The following EPB41L3 variants were observed in gnomAD, a reference collection of about 807,000 sequenced individuals.
The protein encoded by EPB41L3 is band 4.1-like protein 3.
EPB41L3 carries 57 observed loss-of-function variants against 127.1 expected under a neutral mutation model. That is an observed-to-expected ratio of 0.45 (90% confidence interval 0.36 to 0.56). The LOEUF is 0.56. Ranked by LOEUF, EPB41L3 falls within the 20% of genes least tolerant of loss-of-function variation. The pLI is 0.00. For missense variants in EPB41L3, 1,273 were observed against 1,372.2 expected, an observed-to-expected ratio of 0.93 and a Z score of 1.14; for synonymous variants, 572 against 549.5, an observed-to-expected ratio of 1.04 and a Z score of -0.57.
Position 5,447,328 on chromosome 18 carries a change from G to C in EPB41L3, c.382-2084C>G, listed in dbSNP as rs75191154. Among the ~76,000 whole-genome samples, 675 of 151,760 alleles carry C rather than the reference G, an allele frequency of 4.4e-3. 5 individuals carry two copies. Among genetic ancestry groups the C allele is most frequent in the African/African-American group, 0.016 (644 of 41,382 alleles). ...TAATGTAGAGCAGATTATTATGCGTGTTTTCTATAGGAGCACATATCCAAC... is the reference window on the plus strand; with the variant it reads ...TAATGTAGAGCAGATTATTATGCGTCTTTTCTATAGGAGCACATATCCAAC... On this transcript the variant is annotated intron_variant, in intron 3 of 22. Coordinates refer to ENST00000341928, the MANE Select transcript of EPB41L3 (RefSeq NM_012307.5).
rs112610743 is a variant in EPB41L3 at position 5,511,797 on chromosome 18, C to A, written c.-11-22603G>T. Among the ~76,000 whole-genome samples, 648 of 151,668 alleles carry A rather than the reference C, an allele frequency of 4.3e-3. 5 individuals carry two copies. Among genetic ancestry groups the A allele is most frequent in the African/African-American group, 0.015 (628 of 41,266 alleles). ...AGTGCTTAGTTCCTCAATACTGCAA[C>A]CTTCCAGACGCATACAGACAGAGAT... is the stretch of plus-strand genomic sequence containing the variant. On this transcript the variant is annotated intron_variant, in intron 1 of 22. Coordinates refer to ENST00000341928, the MANE Select transcript of EPB41L3 (RefSeq NM_012307.5).
At chr18:5,396,046 A>G (rs375999728) in intron 19 of EPB41L3, among the ~76,000 whole-genome samples, 155 bp downstream of exon 19, 7,699 of 152,284 alleles carry the variant, frequency 0.051, 342 homozygotes, top group African/African-American at 0.12. Context: ...TCACTAATAA[A>G]ATGACCATTA....
chr18:5,577,166 C>T (rs2094344259), intron 3 of EPB41L3, among the ~76,000 whole-genome samples: 1 of 152,196 alleles, frequency 6.6e-6, no homozygotes, highest in Non-Finnish European at 1.5e-5. Flanking sequence ...ACATAAATAA[C>T]AAACATTTTA....
At chr18:5,529,471 A>G (rs566642233) in intron 1 of EPB41L3, among the ~76,000 whole-genome samples, 38 of 152,092 alleles carry the variant, frequency 2.5e-4, no homozygotes, top group African/African-American at 9.2e-4. Flanking sequence ...CTCAGAACAC[A>G]GGGGGTTGAA....
chr18:5,517,338 C>T (rs1018497779), intron 1 of EPB41L3, among the ~76,000 whole-genome samples: 1 of 152,084 alleles, frequency 6.6e-6, no homozygotes, highest in African/African-American at 2.4e-5. Context: ...GAAACAATGT[C>T]AAGTTTTCTG....
chr18:5,612,439 G>A (rs78253564), intron 2 of EPB41L3: 4 of 152,354 alleles, frequency 2.6e-5, no homozygotes, highest in South Asian at 2.1e-4. Flanking sequence ...CTGGAAAAGC[G>A]TCCATGCCAG....
rs373495816 is a variant in EPB41L3, at chr18:5,434,150, G to A, written c.606-29C>T. On this transcript the variant is annotated intron_variant, in intron 6 of 22. Coordinates refer to ENST00000341928, the MANE Select transcript of EPB41L3 (RefSeq NM_012307.5). ...CCAGGAACCAAAAGCACAACACAACGAAGGCAGCATGAGGATACAGGAAAA... is the reference window on the plus strand; with the variant it reads ...CCAGGAACCAAAAGCACAACACAACAAAGGCAGCATGAGGATACAGGAAAA... The A allele has an allele frequency of 4.2e-5, 66 of 1,587,078 alleles. No individual in the cohort carries two copies. In the African/African-American group the frequency reaches 6.2e-4, roughly 15 times the overall value.
chr18:5,436,403 C>CTTTTTTTT (rs34862547), intron 6 of EPB41L3, among the ~76,000 whole-genome samples: 4 of 100,624 alleles, frequency 4.0e-5, no homozygotes, highest in Non-Finnish European at 5.9e-5. Context: ...CATTTTCTTT[C>CTTTTTTTT]TTTTTTTTTT....
chr18:5,416,350 G>T lies in EPB41L3; in HGVS notation c.1535C>A (p.Pro512His). 1 of 1,613,700 alleles carries T rather than the reference G, an allele frequency of 6.2e-7. No homozygotes were observed. The highest frequency in any genetic ancestry group is 1.1e-5 in the South Asian group (1 of 91,076). ...ACAATGGGTGGATGGGGGTGACAAG[G>T]GACATGAGTCAGTGCCAAGCCCAGG... is the stretch of plus-strand genomic sequence containing the variant. ...KSPGLGTDSC[P>H]LSPPSTHCAP... Residue 512 changes from proline to histidine, a missense_variant, in exon 13 of 23, where the codon CCC (proline) becomes CAC (histidine). Coordinates refer to ENST00000341928, the MANE Select transcript of EPB41L3 (RefSeq NM_012307.5).
At chr18:5,447,489 C>T (rs778908574) in intron 3 of EPB41L3, among the ~76,000 whole-genome samples, 6 of 129,634 alleles carry the variant, frequency 4.6e-5, no homozygotes, top group East Asian at 2.4e-4. Context: ...ATACACACAA[C>T]GTAGAAAAAT....
chr18:5,523,491 C>T (rs1209898101), intron 1 of EPB41L3, among the ~76,000 whole-genome samples: 1 of 151,976 alleles, frequency 6.6e-6, no homozygotes, highest in Non-Finnish European at 1.5e-5. Flanking sequence ...AAAATATACC[C>T]AACTTAAAAA....
chr18:5,447,141 T>C (rs17382252), intron 3 of EPB41L3, among the ~76,000 whole-genome samples: 41,975 of 152,058 alleles, frequency 0.28, 5,990 homozygotes, highest in Middle Eastern at 0.38. Flanking sequence ...AGGATGTCCC[T>C]TGCAGCTATG....
intron 1 of EPB41L3, chr18:5,529,049 G>A (rs2093328400): frequency 6.6e-6 from 1 of 152,208 alleles, no homozygotes; most frequent in Admixed American, 6.5e-5. Flanking sequence ...TGAGAAGAAA[G>A]AGAGCATATT....
intron 1 of EPB41L3, among the ~76,000 whole-genome samples, chr18:5,503,022 T>A (rs1156395780): frequency 6.6e-6 from 1 of 152,116 alleles, no homozygotes. Context: ...TGTCAAAGAG[T>A]GATCACCTCT....
rs140562670 is a variant in EPB41L3, at chr18:5,574,477, GT to G, written c.-306+37862del. 1.0e-4 allele frequency among the ~76,000 whole-genome samples: 15 copies of G among 147,256 alleles called. No homozygotes were observed. In the South Asian group the frequency reaches 1.1e-3, roughly 11 times the overall value. ...TTATTTTTCTATTTTAGTAGAATCA[GT>G]TTTTTTTTAAGTGTAATCTTCCTAA... On this transcript the variant is annotated intron_variant, in intron 3 of 21. Transcript: ENST00000545076.
At chr18:5,473,320 T>A (rs866856659) in intron 3 of EPB41L3, among the ~76,000 whole-genome samples, 32 of 152,138 alleles carry the variant, frequency 2.1e-4, no homozygotes, top group African/African-American at 7.7e-4. Context: ...GGCAGGGCCC[T>A]TTGAGTAACA....
chr18:5,448,337 T>A (rs2081825097), intron 3 of EPB41L3, among the ~76,000 whole-genome samples: 3 of 152,206 alleles, frequency 2.0e-5, no homozygotes, highest in Admixed American at 2.0e-4. Context: ...CTCCCAACTC[T>A]AAAAATGTCT....
At chr18:5,503,267 T>A (rs1289479075) in intron 1 of EPB41L3, among the ~76,000 whole-genome samples, 1 of 152,170 alleles carries the variant, frequency 6.6e-6, no homozygotes, top group Non-Finnish European at 1.5e-5. Context: ...TAACTATTCA[T>A]CCTACATTAA....
chr18:5,410,429 A>G, intron 14 of EPB41L3, 137 bp downstream of exon 14: 1 of 614,950 alleles, frequency 1.6e-6, no homozygotes, highest in Non-Finnish European at 3.0e-6. Flanking sequence ...ACAACAAAAT[A>G]CATATTTAAC....
Sources: gnomAD v4.1 joint callset for allele counts (sites outside exome capture counted in the v4.1 genomes callset) on GRCh38, gnomAD v4.1.1 for gene constraint, MANE v1.5 for transcripts, NCBI Gene and HGNC (gene_info 2026-07-23, HGNC 2026-07-21) for gene names.